PLS1: variants seen among roughly 807,000 people sequenced by gnomAD.
PLS1 encodes the protein plastin 1.
In PLS1, 32 loss-of-function variants were observed where a neutral mutation model predicts 73.7. That is an observed-to-expected ratio of 0.43 (90% CI 0.33 to 0.58). The LOEUF is 0.58. Ranked by LOEUF, PLS1 falls within the 20% of genes least tolerant of loss-of-function variation. The pLI, the probability that PLS1 is intolerant of heterozygous loss-of-function variation, is 0.04. For synonymous variants in PLS1, 217 were observed against 261.3 expected (o/e 0.83, Z 1.63); for missense variants, 633 against 740.5 (o/e 0.85, Z 1.68).
At chr3:142,679,803 C>G (rs1461660066) in intron 6 of PLS1, among the ~76,000 whole-genome samples, 1 of 152,106 alleles carries the variant, frequency 6.6e-6, no homozygotes, top group African/African-American at 2.4e-5. Flanking sequence ...TTTTCCAATT[C>G]TGTGAAAAAA....
chr3:142,598,814 G>A (rs372434469), intron 1 of PLS1, among the ~76,000 whole-genome samples: 1 of 152,016 alleles, frequency 6.6e-6, no homozygotes, highest in Non-Finnish European at 1.5e-5. Context: ...TGGCTAACAC[G>A]GTGAAACCCC....
chr3:142,699,243 A>G (rs900254453), intron 12 of PLS1, among the ~76,000 whole-genome samples: 1 of 152,180 alleles, frequency 6.6e-6, no homozygotes, highest in Admixed American at 6.5e-5. Flanking sequence ...GTGGATCATG[A>G]GGTCAGGAAT....
intron 12 of PLS1, among the ~76,000 whole-genome samples, chr3:142,701,467 T>A (rs73868120): frequency 0.022 from 3,291 of 152,256 alleles, 120 homozygotes; most frequent in African/African-American, 0.075. Context: ...TATTTTGGAT[T>A]TTTGGATTTT....
chr3:142,617,622 T>C (rs1380383753), intron 1 of PLS1, among the ~76,000 whole-genome samples: 3 of 152,146 alleles, frequency 2.0e-5, no homozygotes, highest in African/African-American at 7.2e-5. Flanking sequence ...ACTCTTTGGG[T>C]TGAGACCCAG....
At chr3:142,688,240 G>A (rs917282065) in intron 9 of PLS1, among the ~76,000 whole-genome samples, 2 of 152,192 alleles carry the variant, frequency 1.3e-5, no homozygotes, top group South Asian at 2.1e-4. Context: ...GAGCCACCAC[G>A]TCCAGCCACA....
At chr3:142,600,911 TA>T (rs2035911263) in intron 1 of PLS1, among the ~76,000 whole-genome samples, 13 of 29,250 alleles carry the variant, frequency 4.4e-4, no homozygotes, top group Middle Eastern at 0.011. Context: ...TATATATATA[TA>T]TATATTTTTT....
At chr3:142,668,903 C>T (rs1363360533) in intron 2 of PLS1, among the ~76,000 whole-genome samples, 1 of 151,818 alleles carries the variant, frequency 6.6e-6, no homozygotes, top group Non-Finnish European at 1.5e-5. Context: ...CGCCTGGCCC[C>T]CCCCATGCTT....
At chr3:142,701,736 A>G (rs2038336572) in intron 12 of PLS1, among the ~76,000 whole-genome samples, 1 of 152,132 alleles carries the variant, frequency 6.6e-6, no homozygotes, top group African/African-American at 2.4e-5. Flanking sequence ...TCTCACCATC[A>G]TCTCCCTTAG....
In PLS1 at chr3:142,676,151, T is replaced by C. The variant is rs1269507532; in HGVS notation, c.365-6T>C. 6.2e-7 allele frequency: 1 copy of C among 1,610,492 alleles called. No individual in the cohort carries two copies. The highest frequency in any genetic ancestry group is 1.7e-5 in the Admixed American group (1 of 59,244). On this transcript the variant is annotated splice_region_variant and splice_polypyrimidine_tract_variant and intron_variant, in intron 4 of 15. Transcript: ENST00000457734. ...AGATTTGCCTACCAAGGTTTTCTCC[T>C]TTCAGAGGAAGAAAAAGTGGCTTTT...
Position 142,713,127 on chromosome 3 carries a change from T to C in PLS1, c.*1120T>C, listed in dbSNP as rs1472894960. Reference sequence around the variant, plus strand: ...ATGTTTTTCACAGCCCGTTACAAATTGGCAATGTTTGGTTAATGTTTGTAT... The same window carrying C: ...ATGTTTTTCACAGCCCGTTACAAATCGGCAATGTTTGGTTAATGTTTGTAT... On this transcript the variant is annotated 3_prime_UTR_variant, in exon 16 of 16. Coordinates refer to ENST00000457734, the MANE Select transcript of PLS1 (RefSeq NM_001145319.2). 2.0e-5 allele frequency: 3 copies of C among 152,532 alleles called. No homozygotes were observed. Among genetic ancestry groups the C allele is most frequent in the Non-Finnish European group, 4.4e-5 (3 of 68,004 alleles). 9.4% of individuals were successfully genotyped at this position (152,532 alleles called of 1,614,324 possible).
chr3:142,601,259 C>T (rs975749304), intron 1 of PLS1, among the ~76,000 whole-genome samples: 3 of 151,550 alleles, frequency 2.0e-5, no homozygotes, highest in Non-Finnish European at 2.9e-5. Flanking sequence ...TTCATGATGA[C>T]GTTAGTGAAA....
At position 142,684,151 on chromosome 3, in the gene PLS1, T is replaced by C. The variant is rs762101749; in HGVS notation, c.725T>C (p.Ile242Thr). The change falls in exon 7 of 16, where the codon ATT (isoleucine) becomes ACT (threonine). Residue 242 changes from isoleucine to threonine, a missense_variant. Transcript: ENST00000457734. ...ATCAAAGTTGGCCTTTTTGCTGATA[T>C]TGAGATTTCCAGGAATGAAGGTAAG... ...QIIKVGLFAD[I>T]EISRNEALIA... The C allele has an allele frequency of 2.5e-6, 4 of 1,613,968 alleles. No homozygotes were observed. Among genetic ancestry groups the C allele is most frequent in the East Asian group, 2.2e-5 (1 of 44,896 alleles).
At chr3:142,631,222 CAA>C (rs201106682) in intron 1 of PLS1, among the ~76,000 whole-genome samples, 1 of 141,528 alleles carries the variant, frequency 7.1e-6, no homozygotes, top group Non-Finnish European at 1.6e-5. Flanking sequence ...ATAAAAAATA[CAA>C]AAAAAAAAGG....
At chr3:142,703,790 A>G in intron 12 of PLS1, 78 bp from the exon 13 acceptor site, 1 of 863,182 alleles carries the variant, frequency 1.2e-6, no homozygotes, top group Non-Finnish European at 1.8e-6. Flanking sequence ...TGTTTTTCAG[A>G]TGGCTGAACT....
intron 1 of PLS1, among the ~76,000 whole-genome samples, chr3:142,634,105 CA>C (rs2036625476): frequency 1.3e-5 from 2 of 152,058 alleles, no homozygotes; most frequent in African/African-American, 4.8e-5. Context: ...ACCTCGGAGA[CA>C]TAACAATGGA....
At chr3:142,599,743 C>T (rs1408211041) in intron 1 of PLS1, among the ~76,000 whole-genome samples, 7 of 147,844 alleles carry the variant, frequency 4.7e-5, no homozygotes, top group Admixed American at 6.7e-5. Flanking sequence ...GTTGGCCCCA[C>T]GATTATTTTT....
chr3:142,711,306 T>G (rs1933113638), intron 14 of PLS1, among the ~76,000 whole-genome samples, 195 bp from the exon 15 acceptor site: 1 of 152,148 alleles, frequency 6.6e-6, no homozygotes, highest in Non-Finnish European at 1.5e-5. Flanking sequence ...GACAACTCTA[T>G]ATTATATATA....
intron 12 of PLS1, 73 bp downstream of exon 12, chr3:142,698,140 G>A: frequency 1.2e-6 from 1 of 867,400 alleles, no homozygotes; most frequent in East Asian, 2.5e-5. Flanking sequence ...GTTTCATGAA[G>A]TTATACGTGC....
In PLS1 at chr3:142,606,384, T is replaced by C. The variant is rs188635928; in HGVS notation, c.-37+9875T>C. Among the ~76,000 whole-genome samples, 34 of 152,330 alleles carry C rather than the reference T, an allele frequency of 2.2e-4. No individual in the cohort carries two copies. In the East Asian group the frequency reaches 5.6e-3, roughly 25 times the overall value. ...AAGGTTTCATATCAACCACACGTTG[T>C]CAAAATCTTCACTTTGAATAGGATT... On this transcript the variant is annotated intron_variant, in intron 1 of 15. Transcript: ENST00000457734.
Sources: allele counts gnomAD v4.1 joint callset (sites outside exome capture counted in the v4.1 genomes callset), GRCh38; gene constraint gnomAD v4.1.1; transcripts MANE v1.5; gene names NCBI Gene and HGNC (gene_info 2026-07-23, HGNC 2026-07-21).